The following NTM variants were observed in gnomAD, a reference collection of about 807,000 sequenced individuals.
The protein encoded by NTM is IgLON family member 2.
A neutral mutation model predicts 42.1 loss-of-function variants in NTM; 13 were observed. The observed-to-expected ratio is 0.31, with a 90% CI of 0.20 to 0.49. The LOEUF is 0.49. Among genes scored for constraint, NTM ranks in the 20% least tolerant of loss-of-function variants. The probability of loss-of-function intolerance (pLI) is 0.99; values close to 1 mark genes in which losing one functional copy is unlikely to be tolerated. For missense variants in NTM, 373 were observed against 452.8 expected (o/e 0.82, Z 1.60); for synonymous variants, 187 against 179.2 (o/e 1.04, Z -0.35).
At chr11:131,861,827 T>C (rs564893009) in intron 1 of NTM, among the ~76,000 whole-genome samples, 7 of 152,290 alleles carry the variant, frequency 4.6e-5, no homozygotes, top group South Asian at 2.1e-4. Flanking sequence ...AACATTGTCA[T>C]AGGCAGTGGT....
intron 1 of NTM, among the ~76,000 whole-genome samples, chr11:131,625,444 A>G (rs2063003475): frequency 6.6e-6 from 1 of 152,178 alleles, no homozygotes. Flanking sequence ...AATAGAAATT[A>G]GTCCACTGGA....
chr11:132,094,463 G>GTC (rs1187035904), intron 2 of NTM, among the ~76,000 whole-genome samples: 1 of 152,136 alleles, frequency 6.6e-6, no homozygotes, highest in Non-Finnish European at 1.5e-5. Context: ...CTACTCGGGT[G>GTC]TCTCTCTCTC....
intron 1 of NTM, among the ~76,000 whole-genome samples, chr11:131,862,088 A>ATCTT (rs1347166730): frequency 6.6e-6 from 1 of 152,166 alleles, no homozygotes; most frequent in Non-Finnish European, 1.5e-5. Flanking sequence ...ATCTACAAGG[A>ATCTT]TCTTTGTGGG....
chr11:131,736,297 C>G (rs1210284163), intron 1 of NTM, among the ~76,000 whole-genome samples: 2 of 152,184 alleles, frequency 1.3e-5, no homozygotes, highest in African/African-American at 4.8e-5. Context: ...TGGAAGTAGT[C>G]ACAGCTCTCC....
chr11:132,054,450 G>A lies in NTM; in HGVS notation c.168-91832G>A, dbSNP rs114875435. ...TGGGCACAGTGGATTCTGATTCGTA[G>A]TCCTATTCAGTGAAAATAGCCAAAT... is the stretch of plus-strand genomic sequence containing the variant. On this transcript the variant is annotated intron_variant, in intron 2 of 8. Transcript: ENST00000683400. Among the ~76,000 whole-genome samples, 1,006 of 152,306 alleles carry A rather than the reference G, an allele frequency of 6.6e-3. 19 individuals are homozygous for A. Among genetic ancestry groups the A allele is most frequent in the African/African-American group, 0.023 (952 of 41,542 alleles).
chr11:131,912,274 C>T (rs77055532), intron 2 of NTM, among the ~76,000 whole-genome samples: 1 of 152,276 alleles, frequency 6.6e-6, no homozygotes, highest in East Asian at 1.9e-4. Flanking sequence ...TGGAAAATGG[C>T]ATTTACTGTA....
intron 1 of NTM, among the ~76,000 whole-genome samples, chr11:131,733,548 T>C (rs2080005811): frequency 6.6e-6 from 1 of 150,406 alleles, no homozygotes. Context: ...TGTTTTTTGA[T>C]GGAGAGTCTC....
At chr11:132,330,406 C>G (rs2095780605) in intron 8 of NTM, among the ~76,000 whole-genome samples, 1 of 152,188 alleles carries the variant, frequency 6.6e-6, no homozygotes, top group Non-Finnish European at 1.5e-5. Flanking sequence ...AGCCTAACTT[C>G]TCTTTGCTGG....
chr11:131,801,673 G>A (rs1305146155), intron 1 of NTM, among the ~76,000 whole-genome samples: 2 of 152,084 alleles, frequency 1.3e-5, no homozygotes, highest in Non-Finnish European at 2.9e-5. Context: ...TCATGCTACA[G>A]AAGGGAGGTA....
At chr11:131,628,062 A>G (rs897685533) in intron 1 of NTM, among the ~76,000 whole-genome samples, 1 of 152,150 alleles carries the variant, frequency 6.6e-6, no homozygotes, top group African/African-American at 2.4e-5. Flanking sequence ...TGCAAAGACA[A>G]TGTGGACTAT....
At chr11:132,139,392 C>G (rs1433418854) in intron 2 of NTM, among the ~76,000 whole-genome samples, 1 of 152,210 alleles carries the variant, frequency 6.6e-6, no homozygotes, top group African/African-American at 2.4e-5. Context: ...CAAGCCCATT[C>G]TTGCTTCAGC....
chr11:131,733,476 TTCCTTCCTTCC>T (rs2079973848), intron 1 of NTM, among the ~76,000 whole-genome samples: 1 of 136,114 alleles, frequency 7.3e-6, no homozygotes, highest in African/African-American at 2.8e-5. Flanking sequence ...CCTTCCTTCC[TTCCTTCCTTCC>T]TTCCTTCCTT....
chr11:132,129,483 G>A (rs1383389231), intron 2 of NTM, among the ~76,000 whole-genome samples: 2 of 152,138 alleles, frequency 1.3e-5, no homozygotes, highest in African/African-American at 4.8e-5. Flanking sequence ...AGTAGCTTAG[G>A]CCCTGCATTC....
At chr11:131,432,846 T>A (rs1948781160) in intron 1 of NTM, among the ~76,000 whole-genome samples, 5 of 13,338 alleles carry the variant, frequency 3.7e-4, no homozygotes, top group Non-Finnish European at 1.4e-3. Context: ...ATTCTTTTTT[T>A]TTTTTTTTTT....
chr11:131,415,426 TA>T (rs1467882356), intron 1 of NTM, among the ~76,000 whole-genome samples: 1 of 152,188 alleles, frequency 6.6e-6, no homozygotes, highest in Non-Finnish European at 1.5e-5. Context: ...GCAAGGTCAT[TA>T]TGGGAAATGC....
chr11:131,589,605 G>T lies in NTM; in HGVS notation c.82+218717G>T, dbSNP rs530285638. 1.2e-4 allele frequency among the ~76,000 whole-genome samples: 19 copies of T among 152,136 alleles called. No homozygotes were observed. The South Asian group carries it at 2.1e-3, about 17-fold the overall frequency. On this transcript the variant is annotated intron_variant, in intron 1 of 8. Transcript: ENST00000683400. Reference sequence around the variant, plus strand: ...ACCCCAAATCATTATTTGTTTTTTTGTATCTTATGCCTTTCATGTCCTAGG... The same window carrying T: ...ACCCCAAATCATTATTTGTTTTTTTTTATCTTATGCCTTTCATGTCCTAGG...
Position 131,447,596 on chromosome 11 carries a change from T to C in NTM, c.82+76708T>C, listed in dbSNP as rs551329224. On this transcript the variant is annotated intron_variant, in intron 1 of 8. Transcript: ENST00000683400. ...TTGAGCAATCTTTCAGAAGAATAAA[T>C]ATGGTTTGTTTGTATTTGTATTTGT... is the stretch of plus-strand genomic sequence containing the variant. Among the ~76,000 whole-genome samples the C allele has an allele frequency of 4.6e-5, 7 of 152,184 alleles. No individual in the cohort carries two copies. The South Asian group carries it at 8.3e-4, about 18-fold the overall frequency.
At chr11:132,014,581 C>G (rs2072984118) in intron 2 of NTM, among the ~76,000 whole-genome samples, 1 of 151,996 alleles carries the variant, frequency 6.6e-6, no homozygotes, top group South Asian at 2.1e-4. Context: ...CCATTCTAAC[C>G]TGGGTAAGAT....
intron 2 of NTM, among the ~76,000 whole-genome samples, chr11:131,983,243 C>G (rs1473449080): frequency 1.3e-5 from 2 of 151,914 alleles, no homozygotes; most frequent in African/African-American, 4.8e-5. Context: ...TGTGGCATCA[C>G]AAAAAGAGAT....
Sources: gnomAD v4.1 joint callset for allele counts (sites outside exome capture counted in the v4.1 genomes callset) on GRCh38, gnomAD v4.1.1 for gene constraint, MANE v1.5 for transcripts, NCBI Gene and HGNC (gene_info 2026-07-23, HGNC 2026-07-21) for gene names.